Variants in PRDM16 observed in about 807,000 individuals in gnomAD.
The protein encoded by PRDM16 is histone-lysine N-methyltransferase PRDM16.
In PRDM16, 23 loss-of-function variants were observed where a neutral mutation model predicts 110.6. That is an observed-to-expected ratio of 0.21 (90% CI 0.15 to 0.29). PRDM16 has a LOEUF of 0.29. PRDM16 is among the 10% of genes least tolerant of loss of function. PRDM16 has a pLI of 1.00. For synonymous variants in PRDM16, 799 were observed against 781.8 expected, an observed-to-expected ratio of 1.02 and a Z score of -0.37; for missense variants, 1,615 against 1,794.3, an observed-to-expected ratio of 0.90 and a Z score of 1.81.
intron 1 of PRDM16, among the ~76,000 whole-genome samples, chr1:3,115,394 C>G (rs1642933232): frequency 6.6e-6 from 1 of 152,366 alleles, no homozygotes; most frequent in African/African-American, 2.4e-5. Flanking sequence ...AGCTCCTGAG[C>G]AAACCCAGCG....
intron 2 of PRDM16, among the ~76,000 whole-genome samples, chr1:3,210,249 A>C (rs1235630118): frequency 1.3e-5 from 2 of 152,226 alleles, no homozygotes; most frequent in East Asian, 3.8e-4. Context: ...GAAGCTTTGC[A>C]GGATCCTTGC....
At chr1:3,277,695 A>G (rs943348092) in intron 3 of PRDM16, among the ~76,000 whole-genome samples, 4 of 152,218 alleles carry the variant, frequency 2.6e-5, no homozygotes, top group Non-Finnish European at 5.9e-5. Context: ...GAGCAGGGGA[A>G]GTAGCCCTTG....
At chr1:3,144,833 C>T (rs541207802) in intron 1 of PRDM16, among the ~76,000 whole-genome samples, 1 of 152,322 alleles carries the variant, frequency 6.6e-6, no homozygotes, top group Admixed American at 6.5e-5. Flanking sequence ...ATGTCTCAGT[C>T]ACCTTGGGTC....
chr1:3,425,551 T>A lies in PRDM16; in HGVS notation c.2940-30T>A, dbSNP rs755298307. On this transcript the variant is annotated intron_variant, in intron 12 of 16. Transcript: ENST00000270722. This position sits in a 1 kb window ranked among gnomAD's most constrained non-coding sequence, Gnocchi z 6.9. ...CGGCCTGCCATGCAGAGCCGGGGCC[T>A]GCACTGAGGAGCGCGTGTGCCCCTT... 1.9e-6 allele frequency: 3 copies of A among 1,609,368 alleles called. No individual in the cohort carries two copies. The South Asian group carries it at 3.3e-5, about 18-fold the overall frequency.
intron 5 of PRDM16, among the ~76,000 whole-genome samples, chr1:3,399,911 G>A (rs1433945079): frequency 2.0e-5 from 3 of 152,168 alleles, no homozygotes; most frequent in Non-Finnish European, 4.4e-5. Flanking sequence ...AGCCCGGGAC[G>A]TTGGAATCCA....
intron 6 of PRDM16, among the ~76,000 whole-genome samples, 191 bp downstream of exon 6, chr1:3,403,189 C>T (rs1018005610): frequency 6.6e-6 from 1 of 152,176 alleles, no homozygotes; most frequent in Non-Finnish European, 1.5e-5. Context: ...ACTGGCGCTG[C>T]GGGCAGAGCA....
intron 3 of PRDM16, chr1:3,307,386 T>C (rs1480932817): frequency 6.6e-6 from 1 of 152,238 alleles, no homozygotes; most frequent in Non-Finnish European, 1.5e-5. Flanking sequence ...CCTGTGTTTG[T>C]GATGAATGCT....
chr1:3,224,399 C>T (rs943710529), intron 2 of PRDM16, among the ~76,000 whole-genome samples: 3 of 152,122 alleles, frequency 2.0e-5, no homozygotes, highest in African/African-American at 7.2e-5. Flanking sequence ...CCTCTGGAGG[C>T]CCCGGTGCGC....
intron 1 of PRDM16, among the ~76,000 whole-genome samples, chr1:3,120,352 C>T (rs968810448): frequency 2.6e-5 from 4 of 152,122 alleles, no homozygotes; most frequent in African/African-American, 9.7e-5. Context: ...TGGTTGAGGT[C>T]GTCACCGCAG....
chr1:3,202,621 T>C (rs752035248), intron 2 of PRDM16, among the ~76,000 whole-genome samples: 2 of 152,228 alleles, frequency 1.3e-5, no homozygotes, highest in Non-Finnish European at 2.9e-5. Context: ...TGAGGGATGG[T>C]GTGTGCCTTC....
chr1:3,205,846 C>T (rs1365028158), intron 2 of PRDM16: 1 of 152,146 alleles, frequency 6.6e-6, no homozygotes, highest in African/African-American at 2.4e-5. Context: ...CCTCTTCACC[C>T]ACCTCCCAAC....
Position 3,411,983 on chromosome 1 carries a change from A to T in PRDM16, c.1786A>T (p.Ser596Cys). The stretch of plus-strand genomic sequence containing the variant: ...TGTGGAGAAGCTGAAGACCAGGAGC[A>T]GCGACATGTCGGACGGCAGTGACTT... ...SCVEKLKTRS[S>C]DMSDGSDFED... is the part of the protein sequence containing the mutation. The change falls in exon 9 of 17, where the codon AGC becomes TGC. Residue 596 changes from serine to cysteine, a missense_variant. Ser to Cys is a moderately radical substitution (Grantham distance 112). Around this residue, in one of 5 missense-constraint regions of PRDM16, gnomAD observed 772 missense variants for 748.3 expected, o/e 1.03. Transcript: ENST00000270722. 6.2e-7 allele frequency: 1 copy of T among 1,613,522 alleles called. No individual in the cohort carries two copies. Among genetic ancestry groups the T allele is most frequent in the South Asian group, 1.1e-5 (1 of 91,082 alleles).
chr1:3,168,799 A>T (rs1736514), intron 1 of PRDM16, among the ~76,000 whole-genome samples: 34 of 152,260 alleles, frequency 2.2e-4, no homozygotes, highest in African/African-American at 7.5e-4. Flanking sequence ...TGCTCTGCCA[A>T]CATCATTTCC....
chr1:3,373,403 G>T (rs940630542), intron 3 of PRDM16, among the ~76,000 whole-genome samples: 3 of 152,108 alleles, frequency 2.0e-5, no homozygotes, highest in African/African-American at 7.3e-5. Context: ...GGAGACTCCA[G>T]ACACCTCCTC....
chr1:3,077,504 C>T (rs1294453552), intron 1 of PRDM16, among the ~76,000 whole-genome samples: 2 of 152,240 alleles, frequency 1.3e-5, no homozygotes, highest in African/African-American at 4.8e-5. Context: ...ACCTGTTCCT[C>T]CAGCAGGGGT....
At chr1:3,257,867 G>T (rs1241381694) in intron 3 of PRDM16, among the ~76,000 whole-genome samples, 1 of 152,154 alleles carries the variant, frequency 6.6e-6, no homozygotes, top group Non-Finnish European at 1.5e-5. Context: ...TTGGATTTGG[G>T]TACCTACAGT....
chr1:3,231,856 C>G (rs1483847666), intron 2 of PRDM16, among the ~76,000 whole-genome samples: 2 of 152,218 alleles, frequency 1.3e-5, no homozygotes, highest in Admixed American at 6.5e-5. Context: ...ACTAACTCCG[C>G]CCCAAGAGAG....
chr1:3,218,192 C>T (rs930415249), intron 2 of PRDM16, among the ~76,000 whole-genome samples: 1 of 152,226 alleles, frequency 6.6e-6, no homozygotes, highest in African/African-American at 2.4e-5. Context: ...GGCAGGGAGC[C>T]GCAGGGCTCT....
At chr1:3,212,907 C>T (rs1021630127) in intron 2 of PRDM16, among the ~76,000 whole-genome samples, 4 of 152,216 alleles carry the variant, frequency 2.6e-5, no homozygotes, top group Admixed American at 2.0e-4. Flanking sequence ...ACAGAGGCCC[C>T]GAGCCTTTCC....
Sources: allele counts gnomAD v4.1 joint callset (sites outside exome capture counted in the v4.1 genomes callset), GRCh38; gene constraint gnomAD v4.1.1; regional missense constraint gnomAD v4.1.1; non-coding constraint Gnocchi (gnomAD v3.1); transcripts MANE v1.5; gene names NCBI Gene and HGNC (gene_info 2026-07-23, HGNC 2026-07-21).